Variants in RBM27 observed in about 807,000 individuals in gnomAD.
The protein encoded by RBM27 is RNA-binding protein 27.
Under a neutral mutation model 135.3 loss-of-function variants are expected in RBM27, and 22 were observed. The observed-to-expected ratio is 0.16, with a 90% CI of 0.12 to 0.23. RBM27 has a LOEUF of 0.23. RBM27 is among the 10% of genes least tolerant of loss of function. RBM27 has a pLI of 1.00. For missense variants in RBM27, 1,009 were observed against 1,281.0 expected (o/e 0.79, Z 3.24); for synonymous variants, 481 against 442.4 (o/e 1.09, Z -1.10).
At chr5:146,228,463 G>T (rs1472573907) in intron 3 of RBM27, among the ~76,000 whole-genome samples, 2 of 151,574 alleles carry the variant, frequency 1.3e-5, no homozygotes, top group Non-Finnish European at 2.9e-5. Flanking sequence ...TGTATTTTTA[G>T]TCGAGACAGG....
chr5:146,248,881 A>G (rs1395431263), intron 8 of RBM27, among the ~76,000 whole-genome samples: 1 of 152,222 alleles, frequency 6.6e-6, no homozygotes, highest in Non-Finnish European at 1.5e-5. Context: ...ATTAGATAGT[A>G]TACTTAGTAC....
chr5:146,259,551 A>G (rs1247163107), intron 11 of RBM27, among the ~76,000 whole-genome samples: 2 of 151,014 alleles, frequency 1.3e-5, no homozygotes, highest in Non-Finnish European at 2.9e-5. Flanking sequence ...CCTTCATTTA[A>G]TGATGTTAGA....
intron 17 of RBM27, among the ~76,000 whole-genome samples, chr5:146,270,545 A>G (rs1758819358): frequency 6.6e-6 from 1 of 152,234 alleles, no homozygotes; most frequent in Non-Finnish European, 1.5e-5. Flanking sequence ...GTCTCTAACA[A>G]AAAAGAGAAT....
chr5:146,264,672 A>T lies in RBM27; in HGVS notation c.2331+1041A>T, dbSNP rs73793882. ...AGAGAGCTAAAAAAAAAAAAAAAAA[A>T]AAAGGGAAAGCAAAGAAAACTGCTA... On this transcript the variant is annotated intron_variant, in intron 14 of 20. Transcript: ENST00000265271. Among the ~76,000 whole-genome samples, 66 of 151,338 alleles carry T rather than the reference A, an allele frequency of 4.4e-4. 1 individual carries two copies. The highest frequency in any genetic ancestry group is 1.6e-3 in the African/African-American group (65 of 41,424).
At chr5:146,219,741 C>T (rs756228182) in intron 2 of RBM27, among the ~76,000 whole-genome samples, 8 of 152,132 alleles carry the variant, frequency 5.3e-5, no homozygotes, top group South Asian at 2.1e-4. Flanking sequence ...ATTCTTCTCT[C>T]GCTTCTTTCT....
chr5:146,261,330 C>T, intron 12 of RBM27, 180 bp from the exon 13 acceptor site: 2 of 629,974 alleles, frequency 3.2e-6, no homozygotes, highest in Non-Finnish European at 5.5e-6. Flanking sequence ...TAGGATGCAC[C>T]TTTGTGACCT....
intron 2 of RBM27, among the ~76,000 whole-genome samples, chr5:146,220,664 AT>A (rs1308702941): frequency 6.6e-6 from 1 of 151,974 alleles, no homozygotes; most frequent in Non-Finnish European, 1.5e-5. Context: ...AGGATTACAT[AT>A]TTTTTCCTAC....
chr5:146,269,330 G>T, intron 16 of RBM27, 49 bp downstream of exon 16: 3 of 1,502,048 alleles, frequency 2.0e-6, no homozygotes, highest in South Asian at 2.5e-5. Flanking sequence ...GTATAGAATT[G>T]ATTTTAAAAG....
At chr5:146,242,850 A>C (rs1757463206) in intron 8 of RBM27, among the ~76,000 whole-genome samples, 1 of 151,976 alleles carries the variant, frequency 6.6e-6, no homozygotes, top group African/African-American at 2.4e-5. Context: ...CTTCCGACTC[A>C]GCCTCCCAAA....
chr5:146,209,079 A>G (rs1240982437), intron 1 of RBM27, among the ~76,000 whole-genome samples: 1 of 152,134 alleles, frequency 6.6e-6, no homozygotes, highest in Admixed American at 6.5e-5. Context: ...TTTCTATTAA[A>G]CAGAACTAAA....
intron 13 of RBM27, among the ~76,000 whole-genome samples, chr5:146,262,681 A>G (rs1758449462): frequency 6.6e-6 from 1 of 152,190 alleles, no homozygotes; most frequent in South Asian, 2.1e-4. Flanking sequence ...ATCCCACTTC[A>G]TGTAAGGGTG....
chr5:146,284,625 G>A lies in RBM27; in HGVS notation c.2992G>A (p.Ala998Thr), dbSNP rs368491992. 6.6e-5 allele frequency: 106 copies of A among 1,606,332 alleles called. No individual in the cohort carries two copies. The African/African-American group carries it at 9.5e-4, about 14-fold the overall frequency. ...GTTCTTCTAATATATATTTTAGACC[G>A]CAAACCAAGGGCCAAAATTTAAAGA... ...KEDLLQHFSTANQGPKFKDRR... is the reference protein window; with the variant it reads ...KEDLLQHFSTTNQGPKFKDRR... Residue 998 changes from alanine to threonine, a missense_variant, in exon 20 of 21, where the codon GCA becomes ACA. Ala to Thr is a moderately conservative substitution (Grantham distance 58). Around this residue, in one of 6 missense-constraint regions of RBM27, gnomAD observed 355 missense variants for 427.3 expected, o/e 0.83. Transcript: ENST00000265271.
Position 146,274,682 on chromosome 5 carries a change from C to G in RBM27, c.2988+3008C>G, listed in dbSNP as rs866660099. Among the ~76,000 whole-genome samples, 3 of 152,064 alleles carry G rather than the reference C, an allele frequency of 2.0e-5. No individual in the cohort carries two copies. The South Asian group carries it at 6.2e-4, about 32-fold the overall frequency. Reference sequence around the variant, plus strand: ...CAAATTTGAGGATATTGATTGATCTCGATCTTTTTGGTCCCAGGTACTTAT... The same window carrying G: ...CAAATTTGAGGATATTGATTGATCTGGATCTTTTTGGTCCCAGGTACTTAT... On this transcript the variant is annotated intron_variant, in intron 19 of 20. Coordinates refer to ENST00000265271, the MANE Select transcript of RBM27 (RefSeq NM_018989.2).
rs747630125 is a variant in RBM27 at position 146,260,775 on chromosome 5, G to C, written c.1770G>C (p.Gly590=). ...KQGNNNQNKP[G]FLRKNQYTNT... ...GAAATAACAATCAAAATAAACCAGG[G>C]TTCTTACGAAAGAATCAGTATACAA... The change falls in exon 12 of 21, where the codon GGG becomes GGC. Residue 590 remains glycine (G), a synonymous_variant. Transcript: ENST00000265271. 1.2e-6 allele frequency: 2 copies of C among 1,609,704 alleles called. No individual in the cohort carries two copies. Among genetic ancestry groups the C allele is most frequent in the East Asian group, 2.2e-5 (1 of 44,752 alleles).
chr5:146,225,796 C>A (rs2126731166), intron 3 of RBM27, among the ~76,000 whole-genome samples: 1 of 152,144 alleles, frequency 6.6e-6, no homozygotes, highest in South Asian at 2.1e-4. Flanking sequence ...GAACTCCTGA[C>A]CTCGTGATCC....
At chr5:146,254,206 A>G (rs1468945550) in intron 9 of RBM27, among the ~76,000 whole-genome samples, 5 of 152,192 alleles carry the variant, frequency 3.3e-5, no homozygotes, top group African/African-American at 1.2e-4. Context: ...TGTAATGCCA[A>G]CAGTTTGGGA....
At chr5:146,222,755 C>G (rs1030045731) in intron 2 of RBM27, among the ~76,000 whole-genome samples, 1 of 152,158 alleles carries the variant, frequency 6.6e-6, no homozygotes, top group African/African-American at 2.4e-5. Flanking sequence ...ATCTGGTTCT[C>G]CCATTCAGTT....
intron 19 of RBM27, among the ~76,000 whole-genome samples, chr5:146,278,025 G>A (rs193121052): frequency 6.6e-6 from 1 of 152,292 alleles, no homozygotes; most frequent in African/African-American, 2.4e-5. Context: ...TCAAAGGCAT[G>A]CATTGAAATT....
chr5:146,206,513 A>T (rs1581125552), intron 1 of RBM27, among the ~76,000 whole-genome samples: 1 of 147,362 alleles, frequency 6.8e-6, no homozygotes, highest in African/African-American at 2.5e-5. Context: ...TAAAGTTCAC[A>T]TGCTTATTTT....
Sources: gnomAD v4.1 joint callset for allele counts (sites outside exome capture counted in the v4.1 genomes callset) on GRCh38, gnomAD v4.1.1 for gene constraint, gnomAD v4.1.1 regional missense constraint, MANE v1.5 for transcripts, NCBI Gene and HGNC (gene_info 2026-07-23, HGNC 2026-07-21) for gene names.